The following KCNG2 variants were observed in gnomAD, a reference collection of about 807,000 sequenced individuals.
KCNG2 encodes the protein voltage-gated potassium channel regulatory subunit KCNG2.
Under a neutral mutation model 12.3 loss-of-function variants are expected in KCNG2, and 7 were observed. The observed-to-expected ratio is 0.57, with a 90% confidence interval of 0.32 to 1.07. The LOEUF is 1.07. Ranked by LOEUF, KCNG2 falls within the 50% of genes least tolerant of loss-of-function variation. The pLI is 0.04. For missense variants in KCNG2, 703 were observed against 726.0 expected (o/e 0.97, Z 0.36); for synonymous variants, 414 against 351.4 (o/e 1.18, Z -1.99).
At chr18:79,835,726 G>T (rs1978320287) in intron 1 of KCNG2, among the ~76,000 whole-genome samples, 1 of 152,198 alleles carries the variant, frequency 6.6e-6, no homozygotes, top group Non-Finnish European at 1.5e-5. Context: ...TCCTGATGTG[G>T]CTCTAAGGCA....
chr18:79,872,233 A>G (rs1979863274), intron 3 of KCNG2, among the ~76,000 whole-genome samples: 1 of 151,320 alleles, frequency 6.6e-6, no homozygotes, highest in African/African-American at 2.4e-5. Flanking sequence ...GTCTGGCAAA[A>G]AAAAAAAAAA....
At chr18:79,894,991 TCACTC>T (rs1980908191) in intron 3 of KCNG2, among the ~76,000 whole-genome samples, 3 of 152,046 alleles carry the variant, frequency 2.0e-5, no homozygotes, top group Admixed American at 2.0e-4. Context: ...ATTGGGTTGT[TCACTC>T]CATTCACATC....
In KCNG2 at chr18:79,891,219, TTTTC is replaced by T. The variant is rs368329449; in HGVS notation, c.625-7813_625-7810del. 7.9e-4 allele frequency among the ~76,000 whole-genome samples: 121 copies of T among 152,236 alleles called. 1 individual carries two copies. In the South Asian group the frequency reaches 0.01, roughly 13 times the overall value. On this transcript the variant is annotated intron_variant, in intron 3 of 3. Coordinates refer to ENST00000316249, the MANE Select transcript of KCNG2 (RefSeq NM_012283.2). ...TATAAATTTCCCTCTAAGCATTACT[TTTTC>T]TTTCTTTATTTTTTATTTTTTTTTC... is the stretch of plus-strand genomic sequence containing the variant.
chr18:79,866,752 T>TGA (rs202180010), intron 3 of KCNG2, among the ~76,000 whole-genome samples: 3,499 of 120,472 alleles, frequency 0.029, 70 homozygotes, highest in Non-Finnish European at 0.044. Context: ...GTCTGGGTGC[T>TGA]GAGGTCTGTG....
At chr18:79,844,220 GAC>G (rs765355891) in intron 1 of KCNG2, among the ~76,000 whole-genome samples, 41 of 152,040 alleles carry the variant, frequency 2.7e-4, no homozygotes, top group Non-Finnish European at 5.0e-4. Context: ...TACACACAGA[GAC>G]ACACACACAA....
intron 1 of KCNG2, among the ~76,000 whole-genome samples, chr18:79,828,356 CTGTG>C (rs372146192): frequency 6.6e-5 from 10 of 152,164 alleles, no homozygotes; most frequent in South Asian, 2.1e-4. Context: ...GTGCATGAGT[CTGTG>C]TGTGCAGGTG....
chr18:79,807,411 A>G (rs532724226), intron 1 of KCNG2, among the ~76,000 whole-genome samples: 10 of 152,200 alleles, frequency 6.6e-5, no homozygotes, highest in African/African-American at 2.4e-4. Context: ...ACACCCGAGC[A>G]CCCAGCGCCC....
chr18:79,799,672 A>C (rs750320716), intron 1 of KCNG2, among the ~76,000 whole-genome samples: 3 of 152,226 alleles, frequency 2.0e-5, no homozygotes, highest in Non-Finnish European at 4.4e-5. Context: ...AATTTAAGGG[A>C]AAAATTGGTG....
chr18:79,899,857 C>G lies in KCNG2; in HGVS notation c.*41C>G. 7.7e-7 allele frequency: 1 copy of G among 1,302,512 alleles called. No individual in the cohort carries two copies. The highest frequency in any genetic ancestry group is 3.2e-5 in the East Asian group (1 of 31,216). 80.7% of individuals were successfully genotyped at this position (1,302,512 alleles called of 1,614,324 possible). On this transcript the variant is annotated 3_prime_UTR_variant, in exon 4 of 4. Transcript: ENST00000316249. ...CACGGAGACCCCCTGCCCCCTCCAG[C>G]TGCAGCGTCGGGACCCCCGAGGTGC... is the stretch of plus-strand genomic sequence containing the variant.
In KCNG2 at chr18:79,841,039, C is replaced by T. The variant is rs137905482; in HGVS notation, c.-114-15340C>T. ...ATTCCAGCACTTCTGGAGGTTGAGG[C>T]GGGTAGGATTACTTGAGCTCAGGAG... On this transcript the variant is annotated intron_variant, in intron 1 of 3. Transcript: ENST00000316249. 5.3e-4 allele frequency among the ~76,000 whole-genome samples: 81 copies of T among 152,118 alleles called. 1 individual carries two copies. The highest frequency in any genetic ancestry group is 1.8e-3 in the African/African-American group (74 of 41,486).
intron 1 of KCNG2, among the ~76,000 whole-genome samples, chr18:79,805,646 C>T (rs940222005): frequency 1.1e-4 from 16 of 152,192 alleles, no homozygotes; most frequent in African/African-American, 3.4e-4. Flanking sequence ...TCCTGGTGGC[C>T]ATGTACCACC....
At chr18:79,833,473 G>C (rs1408374208) in intron 1 of KCNG2, among the ~76,000 whole-genome samples, 1 of 152,164 alleles carries the variant, frequency 6.6e-6, no homozygotes, top group African/African-American at 2.4e-5. Context: ...TGTTATAGTT[G>C]TTGGTAATTT....
At chr18:79,842,367 C>T (rs1351000528) in intron 1 of KCNG2, among the ~76,000 whole-genome samples, 1 of 152,186 alleles carries the variant, frequency 6.6e-6, no homozygotes, top group Admixed American at 6.5e-5. Context: ...AAAGGGCTCT[C>T]CTTGCCAAAG....
rs1446216601 is a variant in KCNG2 at position 79,884,544 on chromosome 18, G to A, written c.625-14496G>A. ...CCCGATGCAGTGGAGGAGCAGGGCTGGGTCTGGGCCTGGGCCTGGGCGTGG... is the reference window on the plus strand; with the variant it reads ...CCCGATGCAGTGGAGGAGCAGGGCTAGGTCTGGGCCTGGGCCTGGGCGTGG... On this transcript the variant is annotated intron_variant, in intron 3 of 3. Coordinates refer to ENST00000316249, the MANE Select transcript of KCNG2 (RefSeq NM_012283.2). The surrounding 1 kb of genome is among the most constrained non-coding windows in gnomAD (Gnocchi z 5.5). Among the ~76,000 whole-genome samples, 1 of 148,478 alleles carries A rather than the reference G, an allele frequency of 6.7e-6. No individual in the cohort carries two copies. The highest frequency in any genetic ancestry group is 6.8e-5 in the Admixed American group (1 of 14,728).
At chr18:79,849,114 C>T (rs1978726400) in intron 1 of KCNG2, among the ~76,000 whole-genome samples, 1 of 152,174 alleles carries the variant, frequency 6.6e-6, no homozygotes, top group Non-Finnish European at 1.5e-5. Context: ...CCCGCCTCCA[C>T]ATCGAGCCCC....
At chr18:79,809,690 A>T (rs1188497161) in intron 1 of KCNG2, among the ~76,000 whole-genome samples, 1 of 152,162 alleles carries the variant, frequency 6.6e-6, no homozygotes, top group Non-Finnish European at 1.5e-5. Flanking sequence ...CCTGCCGCTT[A>T]TGCAGCTTTC....
intron 1 of KCNG2, among the ~76,000 whole-genome samples, chr18:79,813,889 C>G (rs1001113017): frequency 1.3e-5 from 2 of 152,224 alleles, no homozygotes; most frequent in African/African-American, 4.8e-5. Flanking sequence ...ATAAAGAACT[C>G]TCTAAATCAC....
chr18:79,887,352 T>G (rs1463988629), intron 3 of KCNG2, among the ~76,000 whole-genome samples: 4 of 152,030 alleles, frequency 2.6e-5, no homozygotes, highest in Non-Finnish European at 1.5e-5. Flanking sequence ...CGGGACTGTT[T>G]CCAGGACACA....
In KCNG2 at chr18:79,800,585, C is replaced by T. The variant is rs2087401206; in HGVS notation, c.-115+2571C>T. Among the ~76,000 whole-genome samples the T allele has an allele frequency of 6.6e-6, 1 of 152,186 alleles. No individual in the cohort carries two copies. Among genetic ancestry groups the T allele is most frequent in the Admixed American group, 6.5e-5 (1 of 15,282 alleles). On this transcript the variant is annotated intron_variant, in intron 1 of 3. Transcript: ENST00000316249. This position sits in a 1 kb window ranked among gnomAD's most constrained non-coding sequence, Gnocchi z 4.0. ...TGACGAGACATGTACCCCGCCTTCCCGTGTGGGAGGCACTCAGGGTCCTTG... is the reference window on the plus strand; with the variant it reads ...TGACGAGACATGTACCCCGCCTTCCTGTGTGGGAGGCACTCAGGGTCCTTG...
Sources: allele counts gnomAD v4.1 joint callset (sites outside exome capture counted in the v4.1 genomes callset), GRCh38; gene constraint gnomAD v4.1.1; non-coding constraint Gnocchi (gnomAD v3.1); transcripts MANE v1.5; gene names NCBI Gene and HGNC (gene_info 2026-07-23, HGNC 2026-07-21).